Variants in CACNA1G observed in about 807,000 individuals in gnomAD.
CACNA1G encodes the protein calcium voltage-gated channel subunit alpha1 G.
In CACNA1G, 67 loss-of-function variants were observed where a neutral mutation model predicts 219.4. The ratio of observed to expected loss-of-function variants is 0.31; its 90% CI spans 0.25 to 0.37. The LOEUF (loss-of-function observed/expected upper bound fraction) is 0.37, where lower values mean the gene tolerates loss of function less well. CACNA1G is among the 10% of genes least tolerant of loss of function. CACNA1G has a pLI of 1.00. For missense variants in CACNA1G, 2,380 were observed against 3,231.4 expected (o/e 0.74, Z 6.39); for synonymous variants, 1,296 against 1,345.3 (o/e 0.96, Z 0.80).
intron 23 of CACNA1G, among the ~76,000 whole-genome samples, chr17:50,606,661 C>A (rs2048032057): frequency 6.6e-6 from 1 of 152,200 alleles, no homozygotes; most frequent in African/African-American, 2.4e-5. Flanking sequence ...TTTTGTGTCC[C>A]TTCTCCTACC....
At chr17:50,599,882 G>T in intron 17 of CACNA1G, 23 bp downstream of exon 17, 1 of 1,596,368 alleles carries the variant, frequency 6.3e-7, no homozygotes. Flanking sequence ...TGGGCACAGT[G>T]ACCCCTCACC....
chr17:50,626,186 A>T lies in CACNA1G; in HGVS notation c.6569A>T (p.His2190Leu). The T allele has an allele frequency of 6.2e-7, 1 of 1,613,898 alleles. No homozygotes were observed. The highest frequency in any genetic ancestry group is 8.5e-7 in the Non-Finnish European group (1 of 1,179,858). ...CGCAGCCACAGCAAGATCTCCAAGC[A>T]CATGACCCCGCCAGCCCCTTGCCCA... Reference protein sequence around the residue: ...HSRSHSKISKHMTPPAPCPGP... With the variant: ...HSRSHSKISKLMTPPAPCPGP... Residue 2190 changes from histidine to leucine, a missense_variant, in exon 38 of 38, where the codon CAC becomes CTC. By Grantham distance (99) the His-to-Leu change is moderately conservative. This residue lies in a region of CACNA1G where 672 missense variants were observed against 670.5 expected (regional missense o/e 1.00). Transcript: ENST00000359106. This position sits in a 1 kb window ranked among gnomAD's most constrained non-coding sequence, Gnocchi z 4.3.
In CACNA1G at chr17:50,574,072, C is replaced by T. The variant is rs538043935; in HGVS notation, c.1140+959C>T. On this transcript the variant is annotated intron_variant, in intron 7 of 37. Transcript: ENST00000359106. ...CATCTGCTGCCTGTTTAATCCTCGT[C>T]GTCCCCTGTGAGGTGCCAGGGCAGG... Among the ~76,000 whole-genome samples, 11 of 152,300 alleles carry T rather than the reference C, an allele frequency of 7.2e-5. No individual in the cohort carries two copies. In the South Asian group the frequency reaches 2.1e-3, roughly 29 times the overall value.
At chr17:50,595,376 G>A (rs767170478) in intron 14 of CACNA1G, among the ~76,000 whole-genome samples, 5 of 152,244 alleles carry the variant, frequency 3.3e-5, no homozygotes, top group Admixed American at 6.5e-5. Context: ...GGGGCACCCC[G>A]TGTGTGCGTG....
At chr17:50,587,339 G>A (rs2043197208) in intron 9 of CACNA1G, among the ~76,000 whole-genome samples, 1 of 152,154 alleles carries the variant, frequency 6.6e-6, no homozygotes, top group Non-Finnish European at 1.5e-5. Context: ...TGTGAGCAGG[G>A]AGGAAATGAA....
Position 50,569,901 on chromosome 17 carries a change from C to G in CACNA1G, c.586+98C>G, listed in dbSNP as rs879017721. On this transcript the variant is annotated intron_variant, in intron 4 of 37. Transcript: ENST00000359106. Reference sequence around the variant, plus strand: ...CTACTACTGTGTCCTCACCTGACCCCTCACAGGCCCCGTCAGAGAAGGGCT... The same window carrying G: ...CTACTACTGTGTCCTCACCTGACCCGTCACAGGCCCCGTCAGAGAAGGGCT... The G allele has an allele frequency of 6.8e-6, 6 of 876,306 alleles. No homozygotes were observed. The South Asian group carries it at 7.5e-5, about 11-fold the overall frequency. The allele number at this position is 876,306 out of a possible 1,614,324, so 54.3% of individuals were successfully genotyped here.
At chr17:50,604,982 C>G (rs960495406) in intron 22 of CACNA1G, among the ~76,000 whole-genome samples, 2 of 151,960 alleles carry the variant, frequency 1.3e-5, no homozygotes, top group African/African-American at 2.4e-5. Context: ...CCTGGGATGT[C>G]CACTCTGCCC....
intron 9 of CACNA1G, among the ~76,000 whole-genome samples, chr17:50,581,167 C>T (rs1446310019): frequency 6.6e-6 from 1 of 151,502 alleles, no homozygotes; most frequent in Non-Finnish European, 1.5e-5. Flanking sequence ...AGATGAGCCA[C>T]AGCGGAGACA....
chr17:50,616,993 G>T (rs529617698), intron 28 of CACNA1G, among the ~76,000 whole-genome samples: 1 of 151,994 alleles, frequency 6.6e-6, no homozygotes, highest in Non-Finnish European at 1.5e-5. Flanking sequence ...GGCACCCACT[G>T]CCACACGCAG....
At chr17:50,595,358 A>C (rs1199211197) in intron 14 of CACNA1G, among the ~76,000 whole-genome samples, 2 of 152,192 alleles carry the variant, frequency 1.3e-5, no homozygotes, top group African/African-American at 2.4e-5. Context: ...CTCTGTGTGC[A>C]CGTGTGTGGG....
At chr17:50,604,595 C>T (rs1162747934) in intron 22 of CACNA1G, among the ~76,000 whole-genome samples, 1 of 152,224 alleles carries the variant, frequency 6.6e-6, no homozygotes, top group Non-Finnish European at 1.5e-5. Context: ...CTCCGGGATC[C>T]CCTCCCTTCC....
In CACNA1G at chr17:50,626,307, C is replaced by T. The variant is rs749861541; in HGVS notation, c.6690C>T (p.Pro2230=). ...GCTGGATTTCAGGAGACCTCCTGCC[C>T]CCTGGCGGCCAGGAGGAGCCCCCAT... The part of the protein sequence containing the change: ...ELSWISGDLL[P]PGGQEEPPSP... Residue 2230 remains proline (P), a synonymous_variant, in exon 38 of 38, where the codon CCC becomes CCT. Transcript: ENST00000359106. The surrounding 1 kb of genome is among the most constrained non-coding windows in gnomAD (Gnocchi z 4.3). The T allele has an allele frequency of 1.9e-6, 3 of 1,613,316 alleles. No individual in the cohort carries two copies. In the African/African-American group the frequency reaches 4.0e-5, roughly 22 times the overall value.
At chr17:50,563,956 G>A (rs1256875994) in intron 1 of CACNA1G, among the ~76,000 whole-genome samples, 6 of 152,074 alleles carry the variant, frequency 3.9e-5, no homozygotes, top group Non-Finnish European at 8.8e-5. Context: ...ACTCCCCACA[G>A]GCTTCAGGAG....
rs1223671042 is a variant in CACNA1G, at chr17:50,621,013, GC to G, written c.5926-644del. Among the ~76,000 whole-genome samples, 1 of 152,188 alleles carries G rather than the reference GC, an allele frequency of 6.6e-6. No homozygotes were observed. The highest frequency in any genetic ancestry group is 1.9e-4 in the East Asian group (1 of 5,180). On this transcript the variant is annotated intron_variant, in intron 34 of 37. Coordinates refer to ENST00000359106, the MANE Select transcript of CACNA1G (RefSeq NM_018896.5). The surrounding 1 kb of genome is among the most constrained non-coding windows in gnomAD (Gnocchi z 4.6). ...ATGGTGTGGCAGCCCACCCGAGTGC[GC>G]CCACTTCAGGCTAACGGGAGAACAT...
At chr17:50,608,058 C>G in intron 25 of CACNA1G, 39 bp downstream of exon 25, 1 of 1,556,434 alleles carries the variant, frequency 6.4e-7, no homozygotes. Context: ...GTCTTTCCAC[C>G]TCTCTCTGGG....
At position 50,625,924 on chromosome 17, in the gene CACNA1G, G is replaced by C. The variant is rs2053682010; in HGVS notation, c.6400-93G>C. 4.4e-6 allele frequency: 6 copies of C among 1,371,366 alleles called. No individual in the cohort carries two copies. The Admixed American group carries it at 6.5e-5, about 15-fold the overall frequency. The allele number at this position is 1,371,366 out of a possible 1,614,324, so 84.9% of individuals were successfully genotyped here. A position where few individuals can be genotyped will look rare whatever the true frequency, so the allele number is the denominator to read the frequency against. ...TTAGGATAGTCCTGCTGTGCCTGGT[G>C]GTGGTGGGCAGGGGGCACAGCCAGC... On this transcript the variant is annotated intron_variant, in intron 37 of 37. Transcript: ENST00000359106.
intron 3 of CACNA1G, 62 bp from the exon 4 acceptor site, chr17:50,569,644 C>A: frequency 8.6e-7 from 1 of 1,165,366 alleles, no homozygotes. Context: ...TCCTCATTGA[C>A]CTCTTTTGAC....
At position 50,600,765 on chromosome 17, in the gene CACNA1G, C is replaced by A. The variant is rs375505443; in HGVS notation, c.3730C>A (p.Leu1244Ile). 1.9e-6 allele frequency: 3 copies of A among 1,613,770 alleles called. No individual in the cohort carries two copies. The East Asian group carries it at 6.7e-5, about 36-fold the overall frequency. ...ERVRAWIRAR[L>I]PACCLERDSW... ...GGTCCGCGCGTGGATCCGAGCCCGA[C>A]TCCCTGCCTGCTGCCTCGAGCGAGA... The change falls in exon 18 of 38, where the codon CTC becomes ATC. Residue 1244 changes from leucine to isoleucine, a missense_variant. Physicochemically the swap from Leu to Ile is conservative, Grantham distance 5 (BLOSUM62 2). Coordinates refer to ENST00000359106, the MANE Select transcript of CACNA1G (RefSeq NM_018896.5). The surrounding 1 kb of genome is among the most constrained non-coding windows in gnomAD (Gnocchi z 4.1).
intron 1 of CACNA1G, chr17:50,562,178 C>G (rs1052188406): frequency 6.5e-6 from 1 of 153,138 alleles, no homozygotes. Context: ...GAGGGGGGAC[C>G]GCAATCTCCT....
Sources: allele counts gnomAD v4.1 joint callset (sites outside exome capture counted in the v4.1 genomes callset), GRCh38; gene constraint gnomAD v4.1.1; regional missense constraint gnomAD v4.1.1; non-coding constraint Gnocchi (gnomAD v3.1); transcripts MANE v1.5; gene names NCBI Gene and HGNC (gene_info 2026-07-23, HGNC 2026-07-21).